RGL1: variants seen among roughly 807,000 people sequenced by gnomAD.
RGL1 encodes ral guanine nucleotide dissociation stimulator like 1.
In RGL1, 24 loss-of-function variants were observed where a neutral mutation model predicts 95.2. That is an observed-to-expected ratio of 0.25 (90% CI 0.18 to 0.35). RGL1 has a LOEUF of 0.35. Ranked by LOEUF, RGL1 falls within the 10% of genes least tolerant of loss-of-function variation. The pLI is 1.00. For synonymous variants in RGL1, 329 were observed against 344.9 expected, an observed-to-expected ratio of 0.95 and a Z score of 0.51; for missense variants, 715 against 936.3, an observed-to-expected ratio of 0.76 and a Z score of 3.08.
At chr1:183,647,045 C>T (rs1650340585) in intron 1 of RGL1, 1 of 152,168 alleles carries the variant, frequency 6.6e-6, no homozygotes, top group African/African-American at 2.4e-5. Context: ...TATCATCTTA[C>T]CTCTATCATC....
upstream of RGL1, among the ~76,000 whole-genome samples, chr1:183,803,555 G>A (rs766978302): frequency 3.9e-5 from 6 of 152,326 alleles, no homozygotes; most frequent in Admixed American, 3.9e-4. Flanking sequence ...AACCTGAGTG[G>A]GGCCTTGTGA....
rs1020299810 is a variant in RGL1, at chr1:183,767,302, A to C, written c.132+25013A>C. Among the ~76,000 whole-genome samples, 8 of 151,968 alleles carry C rather than the reference A, an allele frequency of 5.3e-5. No individual in the cohort carries two copies. In the South Asian group the frequency reaches 6.2e-4, roughly 12 times the overall value. ...TAATATGTATATATAAGTAAAACCC[A>C]AAGGAGAACAAACAGCAAATAAATG... On this transcript the variant is annotated intron_variant, in intron 2 of 18. Coordinates refer to the RGL1 transcript ENST00000304685.
At chr1:183,636,637 G>C (rs1649554457) in intron 1 of RGL1, 1 of 153,916 alleles carries the variant, frequency 6.5e-6, no homozygotes, top group Non-Finnish European at 1.4e-5. Flanking sequence ...GAGCAAGAAT[G>C]CTCGAAAGGG....
Position 183,650,254 on chromosome 1 carries a change from T to C in RGL1, c.-33+13753T>C, listed in dbSNP as rs188724898. Among the ~76,000 whole-genome samples, 287 of 152,218 alleles carry C rather than the reference T, an allele frequency of 1.9e-3. 6 individuals carry two copies. In the East Asian group the frequency reaches 0.043, roughly 23 times the overall value. On this transcript the variant is annotated intron_variant, in intron 1 of 18. Transcript: ENST00000304685. ...GAGCATTTTCCCATGTTATTAAAAA[T>C]AATATTCGGCCAGGCGTGGTGGCTC...
chr1:183,709,665 G>A (rs1572311376), intron 1 of RGL1: 1 of 215,100 alleles, frequency 4.6e-6, no homozygotes, highest in Non-Finnish European at 9.9e-6. Context: ...TATGAACTAG[G>A]TCTCGGAAAG....
chr1:183,878,978 T>C (rs1033539387), intron 4 of RGL1, among the ~76,000 whole-genome samples: 1 of 152,234 alleles, frequency 6.6e-6, no homozygotes, highest in Non-Finnish European at 1.5e-5. Context: ...AAACTCTTTT[T>C]CTGTAAAAGT....
intron 2 of RGL1, among the ~76,000 whole-genome samples, chr1:183,795,810 G>A (rs569773334): frequency 6.6e-6 from 1 of 152,280 alleles, no homozygotes; most frequent in East Asian, 1.9e-4. Context: ...GTTGTGTAGC[G>A]ACTCAGTAAA....
chr1:183,793,615 G>A (rs889596280), intron 2 of RGL1, among the ~76,000 whole-genome samples: 1 of 151,968 alleles, frequency 6.6e-6, no homozygotes, highest in African/African-American at 2.4e-5. Context: ...AGTGGGCAAA[G>A]GCTCTGAACA....
chr1:183,636,251 C>T (rs944400358), exon 1 of RGL1: 4 of 398,614 alleles, frequency 1.0e-5, no homozygotes, highest in Admixed American at 8.8e-5. Flanking sequence ...GACCGAGTGC[C>T]CTGCAGTTGG....
chr1:183,676,373 C>T (rs1208405730), intron 1 of RGL1, among the ~76,000 whole-genome samples: 2 of 151,982 alleles, frequency 1.3e-5, no homozygotes, highest in African/African-American at 4.8e-5. Flanking sequence ...CACTTTTCTT[C>T]CCTATGCCAC....
intron 1 of RGL1, among the ~76,000 whole-genome samples, chr1:183,644,373 T>C (rs76582181): frequency 0.082 from 12,407 of 152,158 alleles, 995 homozygotes; most frequent in African/African-American, 0.21. Flanking sequence ...TTAATACATG[T>C]AAGTGCTTAG....
intron 17 of RGL1, among the ~76,000 whole-genome samples, chr1:183,922,722 G>C (rs1277213799): frequency 6.6e-6 from 1 of 152,204 alleles, no homozygotes; most frequent in Non-Finnish European, 1.5e-5. Context: ...TAAGTTGTGT[G>C]TGAATCTGAA....
At chr1:183,866,167 TG>T (rs1178913034) in intron 4 of RGL1, 94 bp downstream of exon 4, 8 of 1,077,028 alleles carry the variant, frequency 7.4e-6, no homozygotes, top group Non-Finnish European at 1.1e-5. Flanking sequence ...AATGTTGCCA[TG>T]ATTTTTTTTT....
chr1:183,646,595 T>A (rs1457969065), intron 1 of RGL1: 1 of 152,232 alleles, frequency 6.6e-6, no homozygotes, highest in Non-Finnish European at 1.5e-5. Flanking sequence ...TTCCTAGAAG[T>A]GTGTTTTGAA....
intron 16 of RGL1, among the ~76,000 whole-genome samples, chr1:183,918,105 G>A (rs1669093310): frequency 6.6e-6 from 1 of 152,198 alleles, no homozygotes; most frequent in African/African-American, 2.4e-5. Context: ...TGGGTAGTTG[G>A]TGGGTCTGTG....
chr1:183,773,013 C>T (rs1269335268), intron 2 of RGL1, among the ~76,000 whole-genome samples: 1 of 48,670 alleles, frequency 2.1e-5, no homozygotes, highest in East Asian at 8.9e-4. Context: ...AAGACTCCGT[C>T]TCAAAAAAAA....
chr1:183,639,883 G>A (rs1043409522), intron 1 of RGL1, among the ~76,000 whole-genome samples: 2 of 150,976 alleles, frequency 1.3e-5, no homozygotes, highest in Non-Finnish European at 2.9e-5. Context: ...TCACTCTGTC[G>A]CCAGGCTAGA....
At chr1:183,924,387 G>A (rs955054093) in intron 17 of RGL1, among the ~76,000 whole-genome samples, 4 of 152,118 alleles carry the variant, frequency 2.6e-5, no homozygotes, top group Non-Finnish European at 4.4e-5. Flanking sequence ...AACACTGCAT[G>A]TTCTCACTCA....
chr1:183,840,753 G>A (rs1431024196), intron 2 of RGL1, among the ~76,000 whole-genome samples: 1 of 151,876 alleles, frequency 6.6e-6, no homozygotes, highest in Non-Finnish European at 1.5e-5. Flanking sequence ...TAAATTAGCT[G>A]GGGTGGTGCG....
Sources: gnomAD v4.1 joint callset for allele counts (sites outside exome capture counted in the v4.1 genomes callset) on GRCh38, gnomAD v4.1.1 for gene constraint, MANE v1.5 for transcripts, NCBI Gene and HGNC (gene_info 2026-07-23, HGNC 2026-07-21) for gene names.